The following DMD variants were observed in gnomAD, a reference collection of about 807,000 sequenced individuals.
DMD encodes dystrophin.
DMD carries 63 observed loss-of-function variants against 330.1 expected under a neutral mutation model. The ratio of observed to expected loss-of-function variants is 0.19; its 90% CI spans 0.16 to 0.24. The LOEUF (loss-of-function observed/expected upper bound fraction) is 0.24, where lower values mean the gene tolerates loss of function less well. DMD is among the 10% of genes least tolerant of loss of function. DMD has a pLI of 1.00. For missense variants in DMD, 3,344 were observed against 2,684.1 expected (o/e 1.25, Z -5.43); for synonymous variants, 1,223 against 959.8 (o/e 1.27, Z -5.07).
intron 48 of DMD, among the ~76,000 whole-genome samples, chrX:31,861,770 C>G (rs796860828): frequency 1.6e-3 from 163 of 102,106 alleles, no homozygotes; most frequent in Non-Finnish European, 2.9e-3. Context: ...CACACACACA[C>G]AGGCATTTTA....
intron 9 of DMD, among the ~76,000 whole-genome samples, chrX:32,652,458 A>G (rs1294192958): frequency 1.8e-5 from 2 of 109,709 alleles, no homozygotes; most frequent in African/African-American, 6.6e-5. Context: ...CCTACAAAGG[A>G]CATGAACTCA....
intron 55 of DMD, among the ~76,000 whole-genome samples, chrX:31,593,721 G>A (rs188568743): frequency 9.1e-6 from 1 of 110,401 alleles, no homozygotes; most frequent in Admixed American, 9.7e-5. Context: ...AACCAAGCAT[G>A]TAATTTAAAA....
At chrX:32,059,673 C>T (rs922875687) in intron 44 of DMD, among the ~76,000 whole-genome samples, 8 of 110,525 alleles carry the variant, frequency 7.2e-5, no homozygotes, top group Non-Finnish European at 1.3e-4. Flanking sequence ...ACAGTTGCAA[C>T]GGAAGTAGAC....
At chrX:32,606,338 C>T (rs1329318229) in intron 12 of DMD, among the ~76,000 whole-genome samples, 1 of 109,794 alleles carries the variant, frequency 9.1e-6, no homozygotes, top group Non-Finnish European at 1.9e-5. Flanking sequence ...TAGTTCCATC[C>T]ACATTGTTCC....
At chrX:31,261,250 ATT>A in intron 62 of DMD, 2 of 375,688 alleles carry the variant, frequency 5.3e-6, no homozygotes, top group South Asian at 7.4e-5. Context: ...CGGTTCCAGA[ATT>A]TGTTTCTTCT....
chrX:33,227,430 G>A (rs909545726), intron 1 of DMD, among the ~76,000 whole-genome samples: 1 of 111,218 alleles, frequency 9.0e-6, no homozygotes, highest in Admixed American at 9.6e-5. Context: ...AAGGTTTAAT[G>A]TGTCATCCTA....
chrX:31,822,110 G>C (rs754193329), intron 49 of DMD, among the ~76,000 whole-genome samples: 3 of 112,251 alleles, frequency 2.7e-5, no homozygotes, highest in Non-Finnish European at 5.6e-5. Context: ...AGCATTCACA[G>C]ACATGTAAGT....
intron 55 of DMD, among the ~76,000 whole-genome samples, chrX:31,553,309 C>T (rs1170235184): frequency 8.9e-6 from 1 of 112,201 alleles, no homozygotes. Flanking sequence ...ATTAGTGGTC[C>T]CCTCCTGGGC....
intron 2 of DMD, among the ~76,000 whole-genome samples, chrX:33,006,716 T>C (rs2093404587): frequency 9.0e-6 from 1 of 111,389 alleles, no homozygotes; most frequent in Admixed American, 9.6e-5. Context: ...GATAAATGTA[T>C]TTATTCTTGT....
intron 22 of DMD, among the ~76,000 whole-genome samples, chrX:32,470,453 A>G (rs1030364218): frequency 9.3e-6 from 1 of 106,954 alleles, no homozygotes; most frequent in African/African-American, 3.8e-5. Flanking sequence ...AAATGTTCAT[A>G]TCTTTTTTTT....
chrX:32,598,220 C>G (rs893243464), intron 12 of DMD, among the ~76,000 whole-genome samples: 2 of 112,292 alleles, frequency 1.8e-5, no homozygotes, highest in Non-Finnish European at 3.8e-5. Context: ...GACTATGCAT[C>G]TATTTTGTGT....
chrX:32,856,271 A>T (rs2081548267), intron 2 of DMD, among the ~76,000 whole-genome samples: 1 of 111,799 alleles, frequency 8.9e-6, no homozygotes, highest in Admixed American at 9.5e-5. Context: ...AAAACTGAAA[A>T]CAGAACTACC....
chrX:31,994,636 C>T, intron 44 of DMD, among the ~76,000 whole-genome samples: 1 of 111,600 alleles, frequency 9.0e-6, no homozygotes, highest in Non-Finnish European at 1.9e-5. Flanking sequence ...ATGGGACTCC[C>T]AGTGACACAG....
At chrX:31,293,202 T>G (rs61402221) in intron 62 of DMD, among the ~76,000 whole-genome samples, 1,134 of 47,884 alleles carry the variant, frequency 0.024, 26 homozygotes, top group African/African-American at 0.13. Context: ...GTAGTCTGGT[T>G]TAGTGTGTGT....
At chrX:31,843,125 T>C (rs947495049) in intron 48 of DMD, among the ~76,000 whole-genome samples, 1 of 112,353 alleles carries the variant, frequency 8.9e-6, no homozygotes, top group Non-Finnish European at 1.9e-5. Flanking sequence ...CCACCATTGA[T>C]GGTCATCTAG....
intron 47 of DMD, among the ~76,000 whole-genome samples, chrX:31,901,309 T>C (rs114587898): frequency 0.015 from 1,723 of 111,792 alleles, 31 homozygotes; most frequent in African/African-American, 0.053. Flanking sequence ...CACCTTGCTC[T>C]ATTCAGGAGG....
intron 2 of DMD, among the ~76,000 whole-genome samples, chrX:32,862,103 C>T (rs181948031): frequency 9.0e-6 from 1 of 111,251 alleles, no homozygotes; most frequent in African/African-American, 3.3e-5. Flanking sequence ...TATTCCTTAG[C>T]GTCAAATACT....
intron 7 of DMD, among the ~76,000 whole-genome samples, chrX:32,705,992 A>T (rs1347219379): frequency 9.2e-6 from 1 of 109,176 alleles, no homozygotes; most frequent in Non-Finnish European, 1.9e-5. Context: ...TCCAACAATG[A>T]TAGACTGGAT....
At chrX:32,831,590 G>A (rs917967277) in intron 4 of DMD, among the ~76,000 whole-genome samples, 1 of 109,035 alleles carries the variant, frequency 9.2e-6, no homozygotes, top group Non-Finnish European at 1.9e-5. Context: ...AGAGCAGAAG[G>A]AGAGAGAGAA....
Sources: gnomAD v4.1 joint callset for allele counts (sites outside exome capture counted in the v4.1 genomes callset) on GRCh38, gnomAD v4.1.1 for gene constraint, MANE v1.5 for transcripts, NCBI Gene and HGNC (gene_info 2026-07-23, HGNC 2026-07-21) for gene names.